IFT140: variants seen among roughly 807,000 people sequenced by gnomAD.
IFT140 encodes the protein intraflagellar transport 140, also known as intraflagellar transport protein 140 homolog.
IFT140 carries 133 observed loss-of-function variants against 164.6 expected under a neutral mutation model. The observed-to-expected ratio is 0.81, with a 90% CI of 0.70 to 0.93. IFT140 has a LOEUF of 0.93. IFT140 is among the 40% of genes least tolerant of loss of function. IFT140 has a pLI of 0.00. For missense variants in IFT140, 2,045 were observed against 1,972.3 expected, an observed-to-expected ratio of 1.04 and a Z score of -0.70; for synonymous variants, 860 against 817.3, an observed-to-expected ratio of 1.05 and a Z score of -0.89.
At chr16:1,578,815 C>A (rs574853996) in intron 13 of IFT140, among the ~76,000 whole-genome samples, 1 of 152,336 alleles carries the variant, frequency 6.6e-6, no homozygotes, top group South Asian at 2.1e-4. Flanking sequence ...AGGCTCAAGC[C>A]ACCCTCCTGC....
At chr16:1,581,184 G>A (rs1410424401) in intron 12 of IFT140, among the ~76,000 whole-genome samples, 2 of 152,218 alleles carry the variant, frequency 1.3e-5, no homozygotes, top group South Asian at 2.1e-4. Flanking sequence ...TTAAGCAAAT[G>A]TTTGCTCATT....
At position 1,599,337 on chromosome 16, in the gene IFT140, C is replaced by T. The variant is rs2035641973; in HGVS notation, c.369+3033G>A. Among the ~76,000 whole-genome samples, 6 of 78,528 alleles carry T rather than the reference C, an allele frequency of 7.6e-5. No individual in the cohort carries two copies. In the South Asian group the frequency reaches 3.0e-3, roughly 39 times the overall value. 51.5% of individuals were successfully genotyped at this position (78,528 alleles called of 152,430 possible). Reference sequence around the variant, plus strand: ...GGGAGGGAGGTGGGGGGGGTCAGCCCCCGCCAGGCCAGCCGCCCCATCCGG... The same window carrying T: ...GGGAGGGAGGTGGGGGGGGTCAGCCTCCGCCAGGCCAGCCGCCCCATCCGG... On this transcript the variant is annotated intron_variant, in intron 4 of 30. Coordinates refer to ENST00000426508, the MANE Select transcript of IFT140 (RefSeq NM_014714.4).
intron 13 of IFT140, among the ~76,000 whole-genome samples, chr16:1,576,452 C>T (rs2034281048): frequency 3.5e-5 from 5 of 143,622 alleles, no homozygotes; most frequent in South Asian, 2.3e-4. Flanking sequence ...AATAGCTGGG[C>T]GTGGTGGTGG....
intron 14 of IFT140, 147 bp downstream of exon 14, chr16:1,571,260 A>T: frequency 2.8e-6 from 2 of 720,164 alleles, no homozygotes; most frequent in Admixed American, 3.0e-5. Context: ...GAGCCCCAAC[A>T]TGAGGCATTC....
At position 1,553,867 on chromosome 16, in the gene IFT140, A is replaced by G; in HGVS notation, c.2399+4068T>C. The G allele has an allele frequency of 8.0e-7, 1 of 1,244,886 alleles. No homozygotes were observed. The highest frequency in any genetic ancestry group is 1.0e-6 in the Non-Finnish European group (1 of 966,482). 77.1% of individuals were successfully genotyped at this position (1,244,886 alleles called of 1,614,324 possible). On this transcript the variant is annotated intron_variant, in intron 19 of 30. Transcript: ENST00000426508. The surrounding 1 kb of genome is among the most constrained non-coding windows in gnomAD (Gnocchi z 4.4). The stretch of plus-strand genomic sequence containing the variant: ...ACAGTGTCCTGTTATCCTAGTTGGT[A>G]GACTCTAGTCACGAAACCCTGATTT...
At position 1,510,933 on chromosome 16, in the gene IFT140, GC is replaced by G; in HGVS notation, c.*10del. 6.2e-7 allele frequency: 1 copy of G among 1,607,920 alleles called. No individual in the cohort carries two copies. Among genetic ancestry groups the G allele is most frequent in the Non-Finnish European group, 8.5e-7 (1 of 1,177,620 alleles). On this transcript the variant is annotated 3_prime_UTR_variant, in exon 31 of 31. Transcript: ENST00000426508. ...TCTGCAGCAGCACGCTGGTCCTGGG[GC>G]CCAGGCCCCTCAGGGGTCGTCATCT...
chr16:1,573,804 T>C (rs542589523), intron 13 of IFT140, among the ~76,000 whole-genome samples: 3 of 152,250 alleles, frequency 2.0e-5, no homozygotes, highest in South Asian at 4.1e-4. Context: ...CCCTTAAGCT[T>C]GGCTCCCCAC....
At chr16:1,586,529 A>G (rs2034889554) in intron 9 of IFT140, among the ~76,000 whole-genome samples, 1 of 152,090 alleles carries the variant, frequency 6.6e-6, no homozygotes, top group Non-Finnish European at 1.5e-5. Flanking sequence ...GGGCTGCCCC[A>G]TGCTCAGCAC....
At chr16:1,581,135 G>C (rs979525773) in intron 12 of IFT140, among the ~76,000 whole-genome samples, 2 of 152,190 alleles carry the variant, frequency 1.3e-5, no homozygotes, top group Non-Finnish European at 2.9e-5. Flanking sequence ...CTGGCAGCTG[G>C]TGCTCCCAGC....
intron 4 of IFT140, among the ~76,000 whole-genome samples, chr16:1,600,247 G>C (rs1340188232): frequency 6.9e-6 from 1 of 145,662 alleles, no homozygotes; most frequent in Non-Finnish European, 1.5e-5. Flanking sequence ...ACAGATGCTT[G>C]AAGGCAGCAT....
chr16:1,602,426 C>G lies in IFT140; in HGVS notation c.313G>C (p.Asp105His). Residue 105 changes from aspartate to histidine, a missense_variant, in exon 4 of 31, where the codon GAC (aspartate) becomes CAC (histidine). Asp to His is a moderately conservative substitution (Grantham distance 81). Transcript: ENST00000426508. ...QHTMPLTHTADITVLRWSPSG... is the reference protein window; with the variant it reads ...QHTMPLTHTAHITVLRWSPSG... Reference sequence around the variant, plus strand: ...GGGCTCCAACGGAGCACGGTGATGTCGGCTGTGTGTGTCAGGGGCATCGTG... The same window carrying G: ...GGGCTCCAACGGAGCACGGTGATGTGGGCTGTGTGTGTCAGGGGCATCGTG... The G allele has an allele frequency of 6.2e-7, 1 of 1,614,214 alleles. No individual in the cohort carries two copies. The highest frequency in any genetic ancestry group is 8.5e-7 in the Non-Finnish European group (1 of 1,180,038).
rs1226673644 is a variant in IFT140 at position 1,602,469 on chromosome 16, C to T, written c.270G>A (p.Lys90=). The change falls in exon 4 of 31, where the codon AAG becomes AAA. Residue 90 remains lysine (K), a synonymous_variant. Coordinates refer to ENST00000426508, the MANE Select transcript of IFT140 (RefSeq NM_014714.4). ...GCATCGTGTGCTGCTCCTTGTCCTG[C>T]TTGTTAAACACCGTCACTTCTCCAG... ...WETGEVTVFN[K]QDKEQHTMPL... 3.7e-6 allele frequency: 6 copies of T among 1,614,106 alleles called. No homozygotes were observed. In the Admixed American group the frequency reaches 1.0e-4, roughly 27 times the overall value.
At chr16:1,539,603 C>T (rs958129417) in intron 19 of IFT140, among the ~76,000 whole-genome samples, 5 of 152,252 alleles carry the variant, frequency 3.3e-5, no homozygotes, top group African/African-American at 4.8e-5. Flanking sequence ...GAGAACCTCG[C>T]GGGAGCGCTA....
At chr16:1,519,822 A>G (rs1254576357) in intron 29 of IFT140, 59 bp downstream of exon 29, 27 of 1,459,084 alleles carry the variant, frequency 1.9e-5, no homozygotes, top group African/African-American at 2.9e-5. Context: ...TCTCGTGGTC[A>G]GCCCCGGCCC....
At chr16:1,606,993 GA>G (rs2036104863) in intron 3 of IFT140, 126 bp downstream of exon 3, 11 of 876,764 alleles carry the variant, frequency 1.3e-5, no homozygotes, top group Non-Finnish European at 1.6e-5. Flanking sequence ...CGCACACACA[GA>G]TGCATGTATA....
At chr16:1,591,192 C>G (rs895646077) in intron 6 of IFT140, among the ~76,000 whole-genome samples, 2 of 152,108 alleles carry the variant, frequency 1.3e-5, no homozygotes, top group African/African-American at 2.4e-5. Flanking sequence ...GCACGCACCC[C>G]CTCCTCTAGG....
rs941219292 is a variant in IFT140, at chr16:1,557,290, T to C, written c.2399+645A>G. ...AGTGTGGAAGGCCCGGCAGGGGGAA[T>C]GAAGGATTGGCCATGCTGCTTCAGA... On this transcript the variant is annotated intron_variant, in intron 19 of 30. Coordinates refer to ENST00000426508, the MANE Select transcript of IFT140 (RefSeq NM_014714.4). Among the ~76,000 whole-genome samples, 7 of 152,148 alleles carry C rather than the reference T, an allele frequency of 4.6e-5. No individual in the cohort carries two copies. In the East Asian group the frequency reaches 7.7e-4, roughly 17 times the overall value.
chr16:1,585,438 A>G (rs1349498663), intron 10 of IFT140, among the ~76,000 whole-genome samples: 2 of 152,216 alleles, frequency 1.3e-5, no homozygotes, highest in Non-Finnish European at 2.9e-5. Flanking sequence ...GCGACCACTA[A>G]AAGGTACAGA....
intron 13 of IFT140, 61 bp from the exon 14 acceptor site, chr16:1,571,595 A>T (rs1003343814): frequency 1.3e-6 from 2 of 1,526,972 alleles, no homozygotes; most frequent in Non-Finnish European, 1.8e-6. Flanking sequence ...TTGTTCACAG[A>T]TAACCTTGTA....
Sources: allele counts gnomAD v4.1 joint callset (sites outside exome capture counted in the v4.1 genomes callset), GRCh38; gene constraint gnomAD v4.1.1; non-coding constraint Gnocchi (gnomAD v3.1); transcripts MANE v1.5; gene names NCBI Gene and HGNC (gene_info 2026-07-23, HGNC 2026-07-21).